The following CSMD1 variants were observed in gnomAD, a reference collection of about 807,000 sequenced individuals.
CSMD1 encodes the protein CUB and sushi domain-containing protein 1.
A neutral mutation model predicts 417.5 loss-of-function variants in CSMD1; 213 were observed. The observed-to-expected ratio is 0.51, with a 90% CI of 0.46 to 0.57. The LOEUF is 0.57. CSMD1 is among the 20% of genes least tolerant of loss of function. The probability of loss-of-function intolerance (pLI) is 0.00; values close to 1 mark genes in which losing one functional copy is unlikely to be tolerated. For synonymous variants in CSMD1, 2,862 were observed against 1,736.8 expected (o/e 1.65, Z -16.11); for missense variants, 6,923 against 4,529.7 (o/e 1.53, Z -15.17).
At chr8:4,050,060 G>T (rs374578608) in intron 3 of CSMD1, among the ~76,000 whole-genome samples, 17 of 152,220 alleles carry the variant, frequency 1.1e-4, no homozygotes, top group African/African-American at 3.9e-4. Context: ...CCCTCCTGTG[G>T]AACTTGTCTG....
At chr8:4,447,123 T>A (rs931251842) in intron 2 of CSMD1, among the ~76,000 whole-genome samples, 4 of 152,138 alleles carry the variant, frequency 2.6e-5, no homozygotes, top group African/African-American at 9.7e-5. Context: ...AATGTACATT[T>A]GCAAATAGAA....
At chr8:4,662,226 A>T (rs1327338363) in intron 1 of CSMD1, among the ~76,000 whole-genome samples, 1 of 152,204 alleles carries the variant, frequency 6.6e-6, no homozygotes, top group Non-Finnish European at 1.5e-5. Context: ...TTATGCTATA[A>T]TGATTTTTTA....
At chr8:3,470,481 A>C (rs1817023103) in intron 11 of CSMD1, among the ~76,000 whole-genome samples, 1 of 152,212 alleles carries the variant, frequency 6.6e-6, no homozygotes, top group South Asian at 2.1e-4. Context: ...GGACATTGAC[A>C]TGGATACAAC....
intron 7 of CSMD1, among the ~76,000 whole-genome samples, chr8:3,643,427 A>G (rs1797406802): frequency 6.6e-6 from 1 of 151,924 alleles, no homozygotes; most frequent in Non-Finnish European, 1.5e-5. Context: ...TCTGGGCCGG[A>G]CGCCGTGGCT....
chr8:3,154,594 T>G (rs912805671), intron 39 of CSMD1, among the ~76,000 whole-genome samples: 5 of 152,182 alleles, frequency 3.3e-5, no homozygotes. Flanking sequence ...AGACACACCA[T>G]GCTGAAGAGC....
chr8:2,964,556 A>G (rs1185841133), intron 59 of CSMD1, among the ~76,000 whole-genome samples: 1 of 152,220 alleles, frequency 6.6e-6, no homozygotes, highest in African/African-American at 2.4e-5. Context: ...TACAAACACA[A>G]TGGGTACTAG....
intron 25 of CSMD1, among the ~76,000 whole-genome samples, chr8:3,305,866 G>C (rs559230845): frequency 2.0e-5 from 3 of 152,126 alleles, no homozygotes; most frequent in Admixed American, 6.5e-5. Flanking sequence ...ATTTTTAGTA[G>C]AGAAGGGGTT....
intron 3 of CSMD1, among the ~76,000 whole-genome samples, chr8:4,096,838 G>A (rs965357744): frequency 6.6e-6 from 1 of 152,124 alleles, no homozygotes; most frequent in African/African-American, 2.4e-5. Context: ...TTTAATGGAG[G>A]TGTGTGTCTC....
intron 6 of CSMD1, among the ~76,000 whole-genome samples, chr8:3,751,937 T>G (rs1462626477): frequency 6.6e-6 from 1 of 152,144 alleles, no homozygotes; most frequent in African/African-American, 2.4e-5. Context: ...ATCAGTCCAT[T>G]GGCCTTGTAA....
intron 3 of CSMD1, among the ~76,000 whole-genome samples, chr8:4,135,892 T>C (rs972556412): frequency 3.3e-5 from 5 of 152,174 alleles, no homozygotes; most frequent in African/African-American, 1.2e-4. Flanking sequence ...ATTGCAATGA[T>C]TTGGGATGTT....
intron 27 of CSMD1, among the ~76,000 whole-genome samples, chr8:3,228,097 A>C (rs6993187): frequency 1.3e-5 from 2 of 152,172 alleles, no homozygotes; most frequent in African/African-American, 2.4e-5. Flanking sequence ...TTACATATAC[A>C]TAATTATGAA....
rs557613383 is a variant in CSMD1 at position 3,791,465 on chromosome 8, A to C, written c.819-37423T>G. On this transcript the variant is annotated intron_variant, in intron 5 of 69. Coordinates refer to ENST00000635120, the MANE Select transcript of CSMD1 (RefSeq NM_033225.6). Reference sequence around the variant, plus strand: ...AGCATAGTGCTGATACGTAGCTTGTAATACGTTCTTTAGTTGAATAATTTG... The same window carrying C: ...AGCATAGTGCTGATACGTAGCTTGTCATACGTTCTTTAGTTGAATAATTTG... 2.6e-5 allele frequency among the ~76,000 whole-genome samples: 4 copies of C among 152,342 alleles called. No homozygotes were observed. The South Asian group carries it at 8.3e-4, about 32-fold the overall frequency.
At chr8:3,839,421 T>C (rs1293843247) in intron 5 of CSMD1, among the ~76,000 whole-genome samples, 26 of 123,960 alleles carry the variant, frequency 2.1e-4, no homozygotes, top group Non-Finnish European at 3.7e-4. Context: ...AAAATAAATA[T>C]ATATAATAAA....
At chr8:3,208,054 G>A (rs559465845) in intron 30 of CSMD1, among the ~76,000 whole-genome samples, 1 of 152,150 alleles carries the variant, frequency 6.6e-6, no homozygotes, top group East Asian at 1.9e-4. Flanking sequence ...TTCCTCAAAA[G>A]CTTCAAGTTC....
At chr8:3,277,746 G>A (rs972538649) in intron 26 of CSMD1, among the ~76,000 whole-genome samples, 1 of 152,176 alleles carries the variant, frequency 6.6e-6, no homozygotes, top group Non-Finnish European at 1.5e-5. Context: ...ACACTCAGGG[G>A]AGAAGCCTGG....
At position 4,798,528 on chromosome 8, in the gene CSMD1, A is replaced by T. The variant is rs148876927; in HGVS notation, c.86-160970T>A. 8.2e-4 allele frequency among the ~76,000 whole-genome samples: 125 copies of T among 152,352 alleles called. 1 individual carries two copies. Among genetic ancestry groups the T allele is most frequent in the Admixed American group, 1.9e-3 (29 of 15,306 alleles). ...ACTCTGATATGTGAACAGACAGGTT[A>T]GTATCTGACAACTAGTCACAGGCAA... On this transcript the variant is annotated intron_variant, in intron 1 of 69. Coordinates refer to ENST00000635120, the MANE Select transcript of CSMD1 (RefSeq NM_033225.6).
At chr8:3,825,782 T>C (rs920223868) in intron 5 of CSMD1, among the ~76,000 whole-genome samples, 5 of 152,150 alleles carry the variant, frequency 3.3e-5, no homozygotes, top group African/African-American at 1.2e-4. Flanking sequence ...TAGAATATAT[T>C]CAGGCTTAGT....
rs1814292435 is a variant in CSMD1, at chr8:3,083,638, ATATATATATATTTTTTTTTTTTTTTTTTT to A, written c.7474+3430_7474+3458del. ...TATATATATATATATATATATATAT[ATATATATATATTTTTTTTTTTTTTTTTTT>A]TTTTTTTTTTTTTGGTCTCATTCTG... On this transcript the variant is annotated intron_variant, in intron 49 of 69. Coordinates refer to ENST00000635120, the MANE Select transcript of CSMD1 (RefSeq NM_033225.6). Among the ~76,000 whole-genome samples the A allele has an allele frequency of 6.0e-4, 13 of 21,816 alleles. No individual in the cohort carries two copies. In the Admixed American group the frequency reaches 6.8e-3, roughly 11 times the overall value. 14.3% of individuals were successfully genotyped at this position (21,816 alleles called of 152,430 possible).
rs550346418 is a variant in CSMD1, at chr8:3,016,466, G to C, written c.8029+2011C>G. Reference sequence around the variant, plus strand: ...TCGCCCCCCAGCAAAAGATGTCTTTGATAAAGGAATATGCTTCATTACCAT... The same window carrying C: ...TCGCCCCCCAGCAAAAGATGTCTTTCATAAAGGAATATGCTTCATTACCAT... On this transcript the variant is annotated intron_variant, in intron 52 of 69. Transcript: ENST00000635120. Among the ~76,000 whole-genome samples, 5 of 152,262 alleles carry C rather than the reference G, an allele frequency of 3.3e-5. No individual in the cohort carries two copies. The South Asian group carries it at 8.3e-4, about 25-fold the overall frequency.
Sources: allele counts gnomAD v4.1 joint callset (sites outside exome capture counted in the v4.1 genomes callset), GRCh38; gene constraint gnomAD v4.1.1; transcripts MANE v1.5; gene names NCBI Gene and HGNC (gene_info 2026-07-23, HGNC 2026-07-21).